Variants in ERC2 observed in about 807,000 individuals in gnomAD.
ERC2 encodes the protein ERC protein 2.
A neutral mutation model predicts 114.8 loss-of-function variants in ERC2; 42 were observed. That is an observed-to-expected ratio of 0.37 (90% CI 0.29 to 0.47). The LOEUF (loss-of-function observed/expected upper bound fraction) is 0.47, where lower values mean the gene tolerates loss of function less well. Ranked by LOEUF, ERC2 falls within the 20% of genes least tolerant of loss-of-function variation. The pLI is 0.99. For missense variants in ERC2, 939 were observed against 1,150.7 expected, an observed-to-expected ratio of 0.82 and a Z score of 2.66; for synonymous variants, 454 against 425.5, an observed-to-expected ratio of 1.07 and a Z score of -0.82.
intron 6 of ERC2, among the ~76,000 whole-genome samples, chr3:56,136,628 C>G (rs2080524654): frequency 2.0e-5 from 3 of 152,244 alleles, no homozygotes; most frequent in Middle Eastern, 3.4e-3. Flanking sequence ...TAGAAAGACT[C>G]TTATTTACCT....
intron 3 of ERC2, among the ~76,000 whole-genome samples, chr3:56,193,466 C>T (rs2150074926): frequency 6.6e-6 from 1 of 151,210 alleles, no homozygotes; most frequent in East Asian, 2.0e-4. Flanking sequence ...AAGATCATGC[C>T]ACCACACTCA....
At chr3:56,307,823 C>T (rs551672178) in intron 2 of ERC2, among the ~76,000 whole-genome samples, 2 of 110,676 alleles carry the variant, frequency 1.8e-5, no homozygotes, top group South Asian at 8.3e-4. Context: ...ACTATACACA[C>T]ACTTGCACAC....
At chr3:55,970,451 A>T (rs1004682063) in intron 12 of ERC2, among the ~76,000 whole-genome samples, 1 of 152,038 alleles carries the variant, frequency 6.6e-6, no homozygotes, top group Non-Finnish European at 1.5e-5. Context: ...ATATTTAATA[A>T]GGGTCTAGCA....
chr3:56,054,104 T>G (rs1445947706), intron 7 of ERC2, among the ~76,000 whole-genome samples: 1 of 152,310 alleles, frequency 6.6e-6, no homozygotes, highest in South Asian at 2.1e-4. Flanking sequence ...ACCCATTTTG[T>G]TCTTAGGCTT....
At chr3:56,412,407 C>T (rs2060975909) in intron 2 of ERC2, among the ~76,000 whole-genome samples, 1 of 152,212 alleles carries the variant, frequency 6.6e-6, no homozygotes, top group Non-Finnish European at 1.5e-5. Context: ...AGTCATGGAT[C>T]AAAATCCTTC....
intron 15 of ERC2, among the ~76,000 whole-genome samples, chr3:55,719,528 C>T (rs1443429849): frequency 1.3e-5 from 2 of 152,168 alleles, no homozygotes; most frequent in Non-Finnish European, 2.9e-5. Context: ...GATTAAGACT[C>T]CTAAACTTGG....
At chr3:55,813,079 C>T (rs1489397152) in intron 14 of ERC2, among the ~76,000 whole-genome samples, 1 of 152,162 alleles carries the variant, frequency 6.6e-6, no homozygotes, top group African/African-American at 2.4e-5. Context: ...TATTAAGAAA[C>T]CGAAGCACAG....
At chr3:55,628,799 G>A (rs1275057393) in intron 17 of ERC2, among the ~76,000 whole-genome samples, 1 of 152,200 alleles carries the variant, frequency 6.6e-6, no homozygotes, top group African/African-American at 2.4e-5. Flanking sequence ...TGAATCCAAT[G>A]TGACACTGAA....
At chr3:56,355,456 C>T (rs1406801834) in intron 2 of ERC2, among the ~76,000 whole-genome samples, 1 of 151,924 alleles carries the variant, frequency 6.6e-6, no homozygotes, top group Non-Finnish European at 1.5e-5. Flanking sequence ...GTAGCTGAGA[C>T]CACAGGCATG....
chr3:55,604,654 C>T (rs1384486910), intron 17 of ERC2, among the ~76,000 whole-genome samples: 2 of 152,116 alleles, frequency 1.3e-5, no homozygotes, highest in Non-Finnish European at 2.9e-5. Context: ...TAAGCATTTA[C>T]GTTTATTACA....
intron 4 of ERC2, among the ~76,000 whole-genome samples, chr3:56,152,406 A>G (rs966512012): frequency 3.0e-5 from 2 of 66,750 alleles, no homozygotes; most frequent in Non-Finnish European, 7.2e-5. Context: ...ATCATCCCCA[A>G]TTTAAAATGA....
chr3:55,812,417 TTATAAA>T (rs747167216), intron 14 of ERC2, among the ~76,000 whole-genome samples: 1 of 152,210 alleles, frequency 6.6e-6, no homozygotes, highest in African/African-American at 2.4e-5. Context: ...ACATAATCAA[TTATAAA>T]TATAAACTAA....
chr3:55,924,770 G>A (rs2065651785), intron 13 of ERC2, among the ~76,000 whole-genome samples: 1 of 152,152 alleles, frequency 6.6e-6, no homozygotes, highest in South Asian at 2.1e-4. Context: ...TGGATCAGCA[G>A]AGTAGGGGAG....
In ERC2 at chr3:56,434,331, T is replaced by G; in HGVS notation, c.657+20A>C. On this transcript the variant is annotated intron_variant, in intron 2 of 17. Transcript: ENST00000288221. Reference sequence around the variant, plus strand: ...GTGAGAAGCCAAGGCTGAAAAATACTGAGATGAGTCATGACCTACCTGATT... The same window carrying G: ...GTGAGAAGCCAAGGCTGAAAAATACGGAGATGAGTCATGACCTACCTGATT... The G allele has an allele frequency of 6.2e-7, 1 of 1,604,994 alleles. No individual in the cohort carries two copies. Among genetic ancestry groups the G allele is most frequent in the Non-Finnish European group, 8.5e-7 (1 of 1,175,152 alleles).
intron 2 of ERC2, among the ~76,000 whole-genome samples, chr3:56,312,663 T>C (rs374916996): frequency 9.9e-5 from 15 of 151,818 alleles, no homozygotes; most frequent in African/African-American, 3.6e-4. Flanking sequence ...TTCTAGGCAT[T>C]ACACTAAACT....
At chr3:55,800,393 C>T (rs1210272913) in intron 14 of ERC2, among the ~76,000 whole-genome samples, 1 of 152,106 alleles carries the variant, frequency 6.6e-6, no homozygotes, top group Admixed American at 6.5e-5. Flanking sequence ...CCACCTGCCT[C>T]GGCCTACCAA....
chr3:56,017,895 G>T lies in ERC2; in HGVS notation c.1779+999C>A, dbSNP rs919901954. 4.6e-5 allele frequency among the ~76,000 whole-genome samples: 7 copies of T among 152,266 alleles called. 1 individual carries two copies. Among genetic ancestry groups the T allele is most frequent in the Middle Eastern group, 6.8e-3 (2 of 294 alleles). On this transcript the variant is annotated intron_variant, in intron 8 of 17. Coordinates refer to ENST00000288221, the MANE Select transcript of ERC2 (RefSeq NM_015576.3). ...TGGGGGCTCACTCCACCAGTATCCA[G>T]TACTGAGTGAGCATCCCCAATGCAG...
chr3:55,663,012 T>C (rs2061205102), intron 17 of ERC2, among the ~76,000 whole-genome samples: 1 of 152,124 alleles, frequency 6.6e-6, no homozygotes, highest in African/African-American at 2.4e-5. Flanking sequence ...ATAAAACAAA[T>C]GGCACTATTA....
chr3:55,644,220 G>C (rs557914801), intron 17 of ERC2, among the ~76,000 whole-genome samples: 2 of 152,130 alleles, frequency 1.3e-5, no homozygotes, highest in East Asian at 3.9e-4. Flanking sequence ...AATAATAGTC[G>C]CACTCTCTTC....
Sources: allele counts gnomAD v4.1 joint callset (sites outside exome capture counted in the v4.1 genomes callset), GRCh38; gene constraint gnomAD v4.1.1; transcripts MANE v1.5; gene names NCBI Gene and HGNC (gene_info 2026-07-23, HGNC 2026-07-21).